COL13A1: variants seen among roughly 807,000 people sequenced by gnomAD.
The protein encoded by COL13A1 is collagen type XIII alpha 1 chain.
A neutral mutation model predicts 130.9 loss-of-function variants in COL13A1; 89 were observed. The ratio of observed to expected loss-of-function variants is 0.68; its 90% CI spans 0.57 to 0.81. COL13A1 has a LOEUF of 0.81. Among genes scored for constraint, COL13A1 ranks in the 30% least tolerant of loss-of-function variants. COL13A1 has a pLI of 0.00. For missense variants in COL13A1, 879 were observed against 934.6 expected (o/e 0.94, Z 0.78); for synonymous variants, 402 against 341.6 (o/e 1.18, Z -1.95).
chr10:69,862,140 CA>C (rs1858300330), intron 2 of COL13A1, among the ~76,000 whole-genome samples: 1 of 152,184 alleles, frequency 6.6e-6, no homozygotes, highest in South Asian at 2.1e-4. Context: ...TCTGAGTAGT[CA>C]GACATTTTTC....
In COL13A1 at chr10:69,802,276, C is replaced by T; in HGVS notation, c.-148C>T. On this transcript the variant is annotated 5_prime_UTR_variant, in exon 1 of 41. Transcript: ENST00000645393. ...CCTCTCCTACTGCTAATTTTTCCGT[C>T]CTCTTTGCCGGGAGCAGCGGAAAGG... The T allele has an allele frequency of 2.0e-6, 2 of 978,726 alleles. No individual in the cohort carries two copies. Among genetic ancestry groups the T allele is most frequent in the Non-Finnish European group, 2.8e-6 (2 of 726,516 alleles). 60.6% of individuals were successfully genotyped at this position (978,726 alleles called of 1,614,324 possible).
At chr10:69,833,036 G>A (rs896161441) in intron 2 of COL13A1, among the ~76,000 whole-genome samples, 5 of 152,192 alleles carry the variant, frequency 3.3e-5, no homozygotes, top group African/African-American at 7.2e-5. Flanking sequence ...ACCGCAGCAC[G>A]CACTGCCTGG....
At chr10:69,851,736 C>A (rs1482495111) in intron 2 of COL13A1, among the ~76,000 whole-genome samples, 1 of 152,162 alleles carries the variant, frequency 6.6e-6, no homozygotes, top group Non-Finnish European at 1.5e-5. Flanking sequence ...CTCACGGCAA[C>A]CTCCACCTCC....
chr10:69,891,281 G>A (rs1053767317), intron 10 of COL13A1, among the ~76,000 whole-genome samples: 18 of 152,206 alleles, frequency 1.2e-4, no homozygotes, highest in Non-Finnish European at 2.1e-4. Flanking sequence ...GCCAAAGGTC[G>A]GAGACGGCTT....
chr10:69,860,947 C>T lies in COL13A1; in HGVS notation c.365-6851C>T, dbSNP rs990110349. Among the ~76,000 whole-genome samples, 6 of 152,268 alleles carry T rather than the reference C, an allele frequency of 3.9e-5. 1 individual carries two copies. The South Asian group carries it at 1.0e-3, about 26-fold the overall frequency. On this transcript the variant is annotated intron_variant, in intron 2 of 40. Coordinates refer to ENST00000645393, the MANE Select transcript of COL13A1 (RefSeq NM_001368882.1). ...CTTCCCTGGAAACACAGGACTGCAT[C>T]GGGAAGGAGAGGAGGCTGGAGGAAC...
intron 7 of COL13A1, among the ~76,000 whole-genome samples, chr10:69,884,031 C>T (rs2060383439): frequency 6.6e-6 from 1 of 152,158 alleles, no homozygotes; most frequent in South Asian, 2.1e-4. Flanking sequence ...AAGATGACAC[C>T]ACATTTCTGA....
At chr10:69,912,254 G>A (rs959582716) in intron 17 of COL13A1, among the ~76,000 whole-genome samples, 2 of 152,112 alleles carry the variant, frequency 1.3e-5, no homozygotes, top group African/African-American at 4.8e-5. Flanking sequence ...GAGATTATAA[G>A]CCAGCTGCCC....
intron 20 of COL13A1, 39 bp downstream of exon 20, chr10:69,919,127 A>G: frequency 6.2e-7 from 1 of 1,613,550 alleles, no homozygotes; most frequent in African/African-American, 1.3e-5. Context: ...TGCACAGAGC[A>G]TCGGTCATGG....
chr10:69,890,348 A>G (rs1190735574), intron 10 of COL13A1, among the ~76,000 whole-genome samples: 1 of 152,236 alleles, frequency 6.6e-6, no homozygotes, highest in African/African-American at 2.4e-5. Flanking sequence ...CCTGCTTTAA[A>G]AAAACAAACA....
intron 4 of COL13A1, among the ~76,000 whole-genome samples, chr10:69,874,886 C>T (rs943967204): frequency 3.9e-5 from 6 of 152,226 alleles, no homozygotes; most frequent in Non-Finnish European, 8.8e-5. Context: ...TCCTTCCATG[C>T]TCTTTCCACA....
At chr10:69,933,729 C>A (rs1324321324) in intron 31 of COL13A1, among the ~76,000 whole-genome samples, 1 of 152,134 alleles carries the variant, frequency 6.6e-6, no homozygotes. Context: ...ATTGTCCCTC[C>A]AAGAAGTATT....
intron 15 of COL13A1, among the ~76,000 whole-genome samples, chr10:69,904,698 C>T (rs1314977417): frequency 2.0e-5 from 3 of 152,238 alleles, no homozygotes; most frequent in Non-Finnish European, 4.4e-5. Flanking sequence ...CAGAATTGCC[C>T]GCGGCCCCCA....
At position 69,914,836 on chromosome 10, in the gene COL13A1, G is replaced by A. The variant is rs528856462; in HGVS notation, c.922-2453G>A. ...CAGATGAGGTACTGTCACGCCCTCT[G>A]CTGGCCACAGAGCGGCTGTGCACAC... On this transcript the variant is annotated intron_variant, in intron 17 of 40. Coordinates refer to ENST00000645393, the MANE Select transcript of COL13A1 (RefSeq NM_001368882.1). Among the ~76,000 whole-genome samples the A allele has an allele frequency of 9.2e-5, 14 of 152,350 alleles. No individual in the cohort carries two copies. The East Asian group carries it at 2.3e-3, about 25-fold the overall frequency.
intron 3 of COL13A1, 65 bp from the exon 4 acceptor site, chr10:69,872,119 C>T: frequency 6.3e-7 from 1 of 1,591,700 alleles, no homozygotes; most frequent in Non-Finnish European, 8.6e-7. Flanking sequence ...CTGGTTGAGA[C>T]AGTGTTCAAC....
intron 2 of COL13A1, chr10:69,824,183 G>A (rs113801790): frequency 3.7e-4 from 175 of 471,556 alleles, no homozygotes; most frequent in Middle Eastern, 2.0e-3. Flanking sequence ...GCAAGGTAGA[G>A]ATTCCTCGAG....
In COL13A1 at chr10:69,885,691, G is replaced by A. The variant is rs2060534337; in HGVS notation, c.514-1765G>A. Among the ~76,000 whole-genome samples the A allele has an allele frequency of 2.0e-5, 3 of 152,178 alleles. No individual in the cohort carries two copies. The South Asian group carries it at 6.2e-4, about 32-fold the overall frequency. ...ATGTTTCTTGGAATCCTCTCCTCCT[G>A]ACCTTTTCTTCAGGCCTCTTGGTGT... On this transcript the variant is annotated intron_variant, in intron 7 of 40. Transcript: ENST00000645393.
intron 1 of COL13A1, among the ~76,000 whole-genome samples, chr10:69,813,362 A>G (rs1279946632): frequency 1.3e-5 from 2 of 152,180 alleles, no homozygotes; most frequent in Admixed American, 1.3e-4. Flanking sequence ...GCTAGAAGGA[A>G]GGACTTCGTC....
At chr10:69,957,188 A>G (rs2070904947) in intron 40 of COL13A1, 146 bp downstream of exon 40, 2 of 688,572 alleles carry the variant, frequency 2.9e-6, no homozygotes, top group Non-Finnish European at 5.3e-6. Context: ...CCCATTAAAC[A>G]TCCCATACAC....
rs754271159 is a variant in COL13A1, at chr10:69,880,587, G to A, written c.513+34G>A. 2.5e-6 allele frequency: 4 copies of A among 1,609,724 alleles called. No individual in the cohort carries two copies. The East Asian group carries it at 8.9e-5, about 36-fold the overall frequency. On this transcript the variant is annotated intron_variant, in intron 7 of 40. Coordinates refer to ENST00000645393, the MANE Select transcript of COL13A1 (RefSeq NM_001368882.1). The stretch of plus-strand genomic sequence containing the variant: ...TTTTTGCTCTTCCTCGGGGTGTTGG[G>A]GGGATGGGTGAGTTGATGAAAAGGG...
Sources: allele counts gnomAD v4.1 joint callset (sites outside exome capture counted in the v4.1 genomes callset), GRCh38; gene constraint gnomAD v4.1.1; transcripts MANE v1.5; gene names NCBI Gene and HGNC (gene_info 2026-07-23, HGNC 2026-07-21).